ELOVL2: variants seen among roughly 807,000 people sequenced by gnomAD.
ELOVL2 encodes the protein very long chain fatty acid elongase 2.
A neutral mutation model predicts 37.7 loss-of-function variants in ELOVL2; 38 were observed. That is an observed-to-expected ratio of 1.01 (90% CI 0.78 to 1.32). The LOEUF (loss-of-function observed/expected upper bound fraction) is 1.32, where lower values mean the gene tolerates loss of function less well. Ranked by LOEUF, ELOVL2 falls within the 40% of genes most tolerant of loss-of-function variation. ELOVL2 has a pLI of 0.00. For synonymous variants in ELOVL2, 115 were observed against 122.3 expected (o/e 0.94, Z 0.40); for missense variants, 352 against 363.6 (o/e 0.97, Z 0.26).
At chr6:10,990,234 A>G (rs969473644) in intron 6 of ELOVL2, 84 bp downstream of exon 6, 37 of 1,542,740 alleles carry the variant, frequency 2.4e-5, no homozygotes, top group Non-Finnish European at 3.1e-5. Context: ...TCACACATAA[A>G]AAGCCCTCTG....
In ELOVL2 at chr6:10,983,708, C is replaced by T; in HGVS notation, c.*73G>A. The T allele has an allele frequency of 1.4e-6, 2 of 1,473,030 alleles. No individual in the cohort carries two copies. The highest frequency in any genetic ancestry group is 1.8e-6 in the Non-Finnish European group (2 of 1,099,740). The allele number at this position is 1,473,030 out of a possible 1,614,324, so 91.2% of individuals were successfully genotyped here. On this transcript the variant is annotated 3_prime_UTR_variant, in exon 8 of 8. Transcript: ENST00000354666. ...ATTAGTTTATCCTAAAACATGTAACCTTCAATTCAGTCTTTGCTTTAAAAC... is the reference window on the plus strand; with the variant it reads ...ATTAGTTTATCCTAAAACATGTAACTTTCAATTCAGTCTTTGCTTTAAAAC...
intron 1 of ELOVL2, among the ~76,000 whole-genome samples, chr6:11,033,630 C>G (rs893391109): frequency 6.6e-6 from 1 of 152,116 alleles, no homozygotes; most frequent in African/African-American, 2.4e-5. Flanking sequence ...GAGAACCATT[C>G]AATAAGAAAA....
intron 2 of ELOVL2, among the ~76,000 whole-genome samples, chr6:11,009,770 A>T (rs1212071932): frequency 6.6e-6 from 1 of 152,192 alleles, no homozygotes; most frequent in Non-Finnish European, 1.5e-5. Flanking sequence ...CATGATAAGA[A>T]GTTTGGTTTT....
At chr6:11,012,535 A>G (rs1366964129) in intron 1 of ELOVL2, among the ~76,000 whole-genome samples, 2 of 152,230 alleles carry the variant, frequency 1.3e-5, no homozygotes, top group Non-Finnish European at 2.9e-5. Flanking sequence ...CCACAAACAA[A>G]TGTTTAAACT....
chr6:10,982,293 A>C lies in ELOVL2; in HGVS notation c.*1488T>G, dbSNP rs955713283. 6.6e-6 allele frequency: 1 copy of C among 151,956 alleles called. No homozygotes were observed. The highest frequency in any genetic ancestry group is 2.4e-5 in the African/African-American group (1 of 41,362). 9.4% of individuals were successfully genotyped at this position (151,956 alleles called of 1,614,324 possible). A position where few individuals can be genotyped will look rare whatever the true frequency, so the allele number is the denominator to read the frequency against. The stretch of plus-strand genomic sequence containing the variant: ...AGTTTAAAACTAGAGCTCAGGGGGG[A>C]AAAAAAGCCGAGAGAGAAAGGCACT... On this transcript the variant is annotated 3_prime_UTR_variant, in exon 8 of 8. Coordinates refer to ENST00000354666, the MANE Select transcript of ELOVL2 (RefSeq NM_017770.4).
In ELOVL2 at chr6:11,044,117, G is replaced by A. The variant is rs534049655; in HGVS notation, c.3+111C>T. ...TCCGAGGGTAGCGGGTTCCAGCGGC[G>A]AACCCGCAGCGCCCGCGCCGGCGCC... On this transcript the variant is annotated intron_variant, in intron 1 of 7. Coordinates refer to ENST00000354666, the MANE Select transcript of ELOVL2 (RefSeq NM_017770.4). The surrounding 1 kb of genome is among the most constrained non-coding windows in gnomAD (Gnocchi z 5.6). 6.2e-6 allele frequency: 8 copies of A among 1,300,382 alleles called. No homozygotes were observed. In the East Asian group the frequency reaches 1.7e-4, roughly 27 times the overall value. 80.6% of individuals were successfully genotyped at this position (1,300,382 alleles called of 1,614,324 possible).
At chr6:11,013,768 G>A (rs1200975588) in intron 1 of ELOVL2, among the ~76,000 whole-genome samples, 1 of 151,208 alleles carries the variant, frequency 6.6e-6, no homozygotes, top group Non-Finnish European at 1.5e-5. Context: ...GATGAGAAGG[G>A]AACAGTATAG....
rs1273437775 is a variant in ELOVL2 at position 10,989,957 on chromosome 6, AAAC to A, written c.631-123_631-121del. ...GGACTCTTGGAATTATGTAGGAACAAAACAAAGCTGCTGAAGCAGCCCCCTCAT... is the reference window on the plus strand; with the variant it reads ...GGACTCTTGGAATTATGTAGGAACAAAAAGCTGCTGAAGCAGCCCCCTCAT... On this transcript the variant is annotated intron_variant, in intron 6 of 7. Coordinates refer to ENST00000354666, the MANE Select transcript of ELOVL2 (RefSeq NM_017770.4). The A allele has an allele frequency of 9.2e-6, 11 of 1,190,436 alleles. No individual in the cohort carries two copies. The East Asian group carries it at 2.3e-4, about 25-fold the overall frequency. 73.7% of individuals were successfully genotyped at this position (1,190,436 alleles called of 1,614,324 possible).
chr6:11,031,475 T>C (rs192953519), intron 1 of ELOVL2, among the ~76,000 whole-genome samples: 27 of 152,360 alleles, frequency 1.8e-4, no homozygotes, highest in Admixed American at 1.6e-3. Context: ...CTTTAAATAT[T>C]TATTGGCTAT....
At chr6:11,034,916 T>C (rs1782984495) in intron 1 of ELOVL2, among the ~76,000 whole-genome samples, 1 of 151,918 alleles carries the variant, frequency 6.6e-6, no homozygotes, top group African/African-American at 2.4e-5. Context: ...GGCAGGAGAA[T>C]CACTTGAATC....
At chr6:10,992,329 T>A (rs2113478312) in intron 5 of ELOVL2, among the ~76,000 whole-genome samples, 1 of 152,354 alleles carries the variant, frequency 6.6e-6, no homozygotes. Flanking sequence ...GACTGAAGTT[T>A]TACATGTTCT....
rs749586435 is a variant in ELOVL2 at position 11,035,347 on chromosome 6, GC to G, written c.3+8880del. Among the ~76,000 whole-genome samples the G allele has an allele frequency of 3.3e-5, 5 of 152,260 alleles. No individual in the cohort carries two copies. The East Asian group carries it at 9.6e-4, about 29-fold the overall frequency. The stretch of plus-strand genomic sequence containing the variant: ...TGATTGTTGGTATACAGATCCCTAG[GC>G]CCCTCCTCAGAGATTCTCATTCTGT... On this transcript the variant is annotated intron_variant, in intron 1 of 7. Transcript: ENST00000354666.
chr6:11,001,890 A>G (rs906398078), intron 3 of ELOVL2, among the ~76,000 whole-genome samples: 5 of 152,214 alleles, frequency 3.3e-5, no homozygotes, highest in Admixed American at 3.3e-4. Flanking sequence ...ACTTCAAAAT[A>G]TACTTAGAAT....
intron 1 of ELOVL2, among the ~76,000 whole-genome samples, chr6:11,020,505 G>A (rs1313216038): frequency 6.6e-6 from 1 of 152,208 alleles, no homozygotes; most frequent in African/African-American, 2.4e-5. Context: ...GCCAGTCACT[G>A]TCTAATATTT....
chr6:10,997,911 G>A (rs1334862233), intron 4 of ELOVL2, among the ~76,000 whole-genome samples: 1 of 152,076 alleles, frequency 6.6e-6, no homozygotes, highest in African/African-American at 2.4e-5. Flanking sequence ...ATATAGTTTA[G>A]ATGTTTGTCC....
intron 7 of ELOVL2, among the ~76,000 whole-genome samples, chr6:10,985,162 T>C (rs1439352079): frequency 2.0e-5 from 3 of 152,174 alleles, no homozygotes; most frequent in Non-Finnish European, 2.9e-5. Context: ...ATAAATGTCT[T>C]CTTTTGAGAA....
chr6:11,042,034 G>A (rs1783105465), intron 1 of ELOVL2, among the ~76,000 whole-genome samples: 1 of 149,942 alleles, frequency 6.7e-6, no homozygotes, highest in South Asian at 2.1e-4. Context: ...TTTCAGCCGG[G>A]CATGGTGGCT....
At chr6:10,983,959 C>A in intron 7 of ELOVL2, 53 bp from the exon 8 acceptor site, 2 of 1,513,910 alleles carry the variant, frequency 1.3e-6, no homozygotes, top group Non-Finnish European at 1.8e-6. Flanking sequence ...TTTAATAAGA[C>A]CTTGTCTTTA....
At chr6:10,997,860 A>G (rs1250247760) in intron 4 of ELOVL2, among the ~76,000 whole-genome samples, 1 of 152,160 alleles carries the variant, frequency 6.6e-6, no homozygotes, top group Non-Finnish European at 1.5e-5. Context: ...ATTTTCACCG[A>G]ATAGTTTTAC....
Sources: allele counts gnomAD v4.1 joint callset (sites outside exome capture counted in the v4.1 genomes callset), GRCh38; gene constraint gnomAD v4.1.1; non-coding constraint Gnocchi (gnomAD v3.1); transcripts MANE v1.5; gene names NCBI Gene and HGNC (gene_info 2026-07-23, HGNC 2026-07-21).